IL12RB2: variants seen among roughly 807,000 people sequenced by gnomAD.
The protein encoded by IL12RB2 is interleukin-12 receptor subunit beta-2.
In IL12RB2, 82 loss-of-function variants were observed where a neutral mutation model predicts 89.4. That is an observed-to-expected ratio of 0.92 (90% CI 0.77 to 1.10). The LOEUF is 1.10. IL12RB2 is among the 50% of genes least tolerant of loss of function. IL12RB2 has a pLI of 0.00. For missense variants in IL12RB2, 963 were observed against 1,031.9 expected, an observed-to-expected ratio of 0.93 and a Z score of 0.92; for synonymous variants, 368 against 370.1, an observed-to-expected ratio of 0.99 and a Z score of 0.07.
intron 8 of IL12RB2, among the ~76,000 whole-genome samples, chr1:67,336,113 C>T (rs1350298276): frequency 1.3e-5 from 2 of 152,216 alleles, no homozygotes; most frequent in East Asian, 3.9e-4. Context: ...TTACAAATGT[C>T]TGGATTATCT....
chr1:67,390,800 C>T (rs973324189), intron 16 of IL12RB2, among the ~76,000 whole-genome samples: 1 of 152,130 alleles, frequency 6.6e-6, no homozygotes, highest in African/African-American at 2.4e-5. Context: ...ATGAAGACTA[C>T]ATTTAAGGGG....
intron 9 of IL12RB2, among the ~76,000 whole-genome samples, chr1:67,347,756 T>C (rs1006032492): frequency 6.6e-6 from 1 of 152,186 alleles, no homozygotes; most frequent in African/African-American, 2.4e-5. Flanking sequence ...GTAGGAACAC[T>C]GGCCTGAGAC....
rs1171563696 is a variant in IL12RB2 at position 67,351,085 on chromosome 1, G to A, written c.1254G>A (p.Glu418=). Residue 418 remains glutamate (E), a synonymous_variant, in exon 10 of 17, where the codon GAG becomes GAA. Transcript: ENST00000674203. ...PTRINIMNLC[E]AGLLAPRQVS... ...GTATTAACATAATGAACCTGTGTGAGGCAGGTAAGTTCTAATTTTTCTTTA... is the reference window on the plus strand; with the variant it reads ...GTATTAACATAATGAACCTGTGTGAAGCAGGTAAGTTCTAATTTTTCTTTA... 1 of 1,612,610 alleles carries A rather than the reference G, an allele frequency of 6.2e-7. No individual in the cohort carries two copies. Among genetic ancestry groups the A allele is most frequent in the Non-Finnish European group, 8.5e-7 (1 of 1,179,818 alleles).
chr1:67,397,874 C>T lies in IL12RB2; in HGVS notation c.*1785C>T, dbSNP rs972972500. Among the ~76,000 whole-genome samples, 4 of 152,060 alleles carry T rather than the reference C, an allele frequency of 2.6e-5. No homozygotes were observed. The highest frequency in any genetic ancestry group is 2.0e-4 in the Admixed American group (3 of 15,260). On this transcript the variant is annotated 3_prime_UTR_variant, in exon 17 of 17. Coordinates refer to ENST00000674203, the MANE Select transcript of IL12RB2 (RefSeq NM_001374259.2). ...TTGTAAATGTGTACTTCTTGCCTAACGTGAGGAACTAAAAACTTGTCCATG... is the reference window on the plus strand; with the variant it reads ...TTGTAAATGTGTACTTCTTGCCTAATGTGAGGAACTAAAAACTTGTCCATG...
chr1:67,345,863 G>GT (rs1660160158), intron 9 of IL12RB2, among the ~76,000 whole-genome samples: 1 of 152,186 alleles, frequency 6.6e-6, no homozygotes, highest in South Asian at 2.1e-4. Flanking sequence ...AAATAAGAGA[G>GT]TAGGTAGCCA....
intron 5 of IL12RB2, 146 bp from the exon 6 acceptor site, chr1:67,328,054 A>G (rs1340841432): frequency 4.3e-6 from 3 of 691,070 alleles, no homozygotes; most frequent in Non-Finnish European, 7.8e-6. Context: ...TAGTACAAAT[A>G]TTCCCGGGGT....
chr1:67,337,683 G>A (rs1451986933), intron 8 of IL12RB2, among the ~76,000 whole-genome samples: 1 of 152,078 alleles, frequency 6.6e-6, no homozygotes, highest in Non-Finnish European at 1.5e-5. Flanking sequence ...TCTAAGTGCT[G>A]CGCTGGGTAT....
At chr1:67,335,057 T>G (rs969875337) in intron 8 of IL12RB2, among the ~76,000 whole-genome samples, 1 of 152,232 alleles carries the variant, frequency 6.6e-6, no homozygotes, top group Non-Finnish European at 1.5e-5. Flanking sequence ...TCACTTGTTC[T>G]CCTCTAAGCT....
intron 10 of IL12RB2, 74 bp from the exon 11 acceptor site, chr1:67,367,751 T>A (rs1295399501): frequency 1.4e-5 from 12 of 871,074 alleles, no homozygotes; most frequent in Non-Finnish European, 5.9e-6. Flanking sequence ...ATAAGCTGTT[T>A]GGCTTTTTTT....
intron 1 of IL12RB2, among the ~76,000 whole-genome samples, chr1:67,310,035 C>A (rs1654811376): frequency 1.3e-5 from 2 of 151,780 alleles, no homozygotes; most frequent in African/African-American, 4.8e-5. Flanking sequence ...ATTAGCGGGG[C>A]ATGGTGGCAC....
At chr1:67,379,009 C>T (rs1012886158) in intron 13 of IL12RB2, among the ~76,000 whole-genome samples, 1 of 151,968 alleles carries the variant, frequency 6.6e-6, no homozygotes, top group South Asian at 2.1e-4. Flanking sequence ...ATTAGCCTGG[C>T]CAACATGGTG....
chr1:67,312,813 A>G (rs990897067), intron 1 of IL12RB2, among the ~76,000 whole-genome samples: 1 of 152,218 alleles, frequency 6.6e-6, no homozygotes, highest in Admixed American at 6.5e-5. Context: ...AAGAGGAACC[A>G]TAGGACAGCA....
intron 14 of IL12RB2, among the ~76,000 whole-genome samples, chr1:67,383,711 T>A (rs1270056423): frequency 6.6e-6 from 1 of 152,206 alleles, no homozygotes; most frequent in Non-Finnish European, 1.5e-5. Context: ...CAAAATGATC[T>A]CCTGCCTAGA....
chr1:67,326,059 A>G (rs991220908), intron 4 of IL12RB2, among the ~76,000 whole-genome samples: 1 of 152,246 alleles, frequency 6.6e-6, no homozygotes, highest in African/African-American at 2.4e-5. Context: ...ACACAAAAGA[A>G]TTAATTTATA....
chr1:67,377,186 TTAGA>T (rs1466501773), intron 13 of IL12RB2, among the ~76,000 whole-genome samples: 1 of 152,182 alleles, frequency 6.6e-6, no homozygotes, highest in African/African-American at 2.4e-5. Flanking sequence ...CTTTTCCCCA[TTAGA>T]TAGTGGACTC....
chr1:67,326,773 A>G lies in IL12RB2; in HGVS notation c.403A>G (p.Lys135Glu). 1.2e-6 allele frequency: 2 copies of G among 1,613,832 alleles called. No individual in the cohort carries two copies. The highest frequency in any genetic ancestry group is 1.7e-6 in the Non-Finnish European group (2 of 1,179,838). The change falls in exon 5 of 17, where the codon AAG becomes GAG. Residue 135 changes from lysine (K) to glutamate (E), a missense_variant. Physicochemically the swap from Lys to Glu is moderately conservative, Grantham distance 56 (BLOSUM62 1). Transcript: ENST00000674203. ...GCCTCAAAATTTATCCTGCATACAG[A>G]AGGGAGAACAGGGGACTGTGGCCTG... Reference protein sequence around the residue: ...EQPQNLSCIQKGEQGTVACTW... With the variant: ...EQPQNLSCIQEGEQGTVACTW...
intron 2 of IL12RB2, among the ~76,000 whole-genome samples, chr1:67,315,886 A>T (rs1655693836): frequency 6.6e-6 from 1 of 152,182 alleles, no homozygotes; most frequent in African/African-American, 2.4e-5. Context: ...AGTCAAAGTG[A>T]TCTTCTTGCC....
intron 10 of IL12RB2, among the ~76,000 whole-genome samples, chr1:67,357,105 C>T (rs17129864): frequency 0.046 from 7,009 of 152,290 alleles, 225 homozygotes; most frequent in Admixed American, 0.069. Context: ...GCCTGTTATT[C>T]TGGCACTTTG....
At chr1:67,391,356 A>AGTGTGTGTGTGT (rs148773328) in intron 16 of IL12RB2, among the ~76,000 whole-genome samples, 2 of 140,558 alleles carry the variant, frequency 1.4e-5, no homozygotes, top group Non-Finnish European at 3.1e-5. Flanking sequence ...TAATAACAGC[A>AGTGTGTGTGTGT]GTGTGTGTGT....
Sources: allele counts gnomAD v4.1 joint callset (sites outside exome capture counted in the v4.1 genomes callset), GRCh38; gene constraint gnomAD v4.1.1; transcripts MANE v1.5; gene names NCBI Gene and HGNC (gene_info 2026-07-23, HGNC 2026-07-21).